RAP1A: variants seen among roughly 807,000 people sequenced by gnomAD.
RAP1A encodes the protein ras-related protein Rap-1A.
Under a neutral mutation model 26.4 loss-of-function variants are expected in RAP1A, and 6 were observed. The observed-to-expected ratio is 0.23, with a 90% CI of 0.12 to 0.45. The LOEUF is 0.45. Among genes scored for constraint, RAP1A ranks in the 20% least tolerant of loss-of-function variants. RAP1A has a pLI of 0.99. For missense variants in RAP1A, 121 were observed against 217.2 expected (o/e 0.56, Z 2.78); for synonymous variants, 73 against 79.4 (o/e 0.92, Z 0.43).
At chr1:111,580,620 G>T (rs919731391) in intron 1 of RAP1A, among the ~76,000 whole-genome samples, 5 of 152,106 alleles carry the variant, frequency 3.3e-5, no homozygotes, top group Admixed American at 6.5e-5. Context: ...AGGCCAAGGC[G>T]GGCGGATCAC....
intron 4 of RAP1A, among the ~76,000 whole-genome samples, chr1:111,703,110 A>G (rs1201405919): frequency 6.6e-6 from 1 of 152,202 alleles, no homozygotes; most frequent in East Asian, 1.9e-4. Context: ...ACAGCTCTAA[A>G]TCACACAAAA....
At chr1:111,601,142 C>T (rs1182975425) in intron 1 of RAP1A, among the ~76,000 whole-genome samples, 4 of 152,314 alleles carry the variant, frequency 2.6e-5, no homozygotes, top group East Asian at 3.9e-4. Context: ...CATGTAAGAA[C>T]GCATTCATTA....
At chr1:111,638,568 G>A (rs932294267) in intron 1 of RAP1A, among the ~76,000 whole-genome samples, 4 of 152,240 alleles carry the variant, frequency 2.6e-5, no homozygotes, top group South Asian at 2.1e-4. Flanking sequence ...GGGACTACAG[G>A]CGCATGCCAA....
intron 1 of RAP1A, among the ~76,000 whole-genome samples, chr1:111,688,808 G>GTTTTTTTTTTTTTTTTTTTTT (rs753016302): frequency 1.6e-5 from 2 of 124,160 alleles, no homozygotes; most frequent in African/African-American, 2.8e-5. Context: ...TTTTGTTTTT[G>GTTTTTTTTTTTTTTTTTTTTT]TTTTTTTTTT....
chr1:111,572,649 C>G (rs1388900958), intron 1 of RAP1A, among the ~76,000 whole-genome samples: 3 of 152,202 alleles, frequency 2.0e-5, no homozygotes, highest in Non-Finnish European at 4.4e-5. Flanking sequence ...TCCACATCCT[C>G]TATCTTTTCG....
intron 1 of RAP1A, among the ~76,000 whole-genome samples, chr1:111,605,529 T>C (rs764826233): frequency 2.9e-4 from 44 of 152,200 alleles, no homozygotes; most frequent in Non-Finnish European, 2.8e-4. Flanking sequence ...AAGCATGGTA[T>C]GGAAGAAGCA....
chr1:111,663,261 C>G (rs1660694409), intron 1 of RAP1A, among the ~76,000 whole-genome samples: 2 of 152,258 alleles, frequency 1.3e-5, no homozygotes, highest in African/African-American at 2.4e-5. Flanking sequence ...TCCCTGGTCT[C>G]CAACATTTCC....
chr1:111,657,644 G>A (rs868764862), intron 1 of RAP1A, among the ~76,000 whole-genome samples: 2 of 152,024 alleles, frequency 1.3e-5, no homozygotes, highest in African/African-American at 2.4e-5. Flanking sequence ...ATATGGTGGG[G>A]CCCAACTCTT....
chr1:111,643,034 T>C (rs1659944056), intron 1 of RAP1A, among the ~76,000 whole-genome samples: 1 of 152,040 alleles, frequency 6.6e-6, no homozygotes, highest in African/African-American at 2.4e-5. Flanking sequence ...CCTCCCAAAG[T>C]GCTGGGATTA....
At chr1:111,563,836 T>C in intron 1 of RAP1A, 1 of 1,609,296 alleles carries the variant, frequency 6.2e-7, no homozygotes, top group Non-Finnish European at 8.5e-7. Flanking sequence ...TATTTTCTGC[T>C]ATGACTCACT....
At chr1:111,709,338 C>T (rs1662302224) in intron 7 of RAP1A, 74 bp downstream of exon 7, 1 of 1,401,086 alleles carries the variant, frequency 7.1e-7, no homozygotes, top group Non-Finnish European at 9.4e-7. Flanking sequence ...TAGCTACTTC[C>T]CATTTCATCT....
At chr1:111,607,353 A>T (rs890219030) in intron 1 of RAP1A, among the ~76,000 whole-genome samples, 18 of 152,100 alleles carry the variant, frequency 1.2e-4, no homozygotes, top group African/African-American at 3.9e-4. Context: ...GTCACAGATC[A>T]ACAGGATAAG....
intron 1 of RAP1A, among the ~76,000 whole-genome samples, chr1:111,613,324 C>T (rs566721795): frequency 1.4e-4 from 21 of 152,120 alleles, no homozygotes; most frequent in Admixed American, 3.9e-4. Flanking sequence ...CTCAGCCTCC[C>T]GAGTAGCTGG....
At chr1:111,648,569 T>A (rs4083915) in intron 1 of RAP1A, 290,499 of 551,106 alleles carry the variant, frequency 0.53, 77,185 homozygotes, top group African/African-American at 0.6. Flanking sequence ...GGATCCCGTT[T>A]AGCTGCTCCA....
intron 1 of RAP1A, among the ~76,000 whole-genome samples, chr1:111,663,463 T>TTAC (rs1232135369): frequency 6.6e-6 from 1 of 152,228 alleles, no homozygotes; most frequent in Non-Finnish European, 1.5e-5. Context: ...AACACTCTAG[T>TTAC]TACATTAATA....
At chr1:111,593,040 A>G (rs1473745001) in intron 1 of RAP1A, among the ~76,000 whole-genome samples, 1 of 151,410 alleles carries the variant, frequency 6.6e-6, no homozygotes, top group Middle Eastern at 3.2e-3. Context: ...TAGAAACAAA[A>G]CGAGCAAGTT....
intron 1 of RAP1A, chr1:111,564,111 T>C (rs1373411666): frequency 1.3e-5 from 7 of 551,830 alleles, no homozygotes; most frequent in Non-Finnish European, 2.3e-5. Context: ...AACTCATGAC[T>C]ATCTTTTTAC....
Position 111,655,258 on chromosome 1 carries a change from C to T in RAP1A, c.-28+35324C>T, listed in dbSNP as rs1330671692. Among the ~76,000 whole-genome samples, 3 of 76,208 alleles carry T rather than the reference C, an allele frequency of 3.9e-5. No homozygotes were observed. The Admixed American group carries it at 4.4e-4, about 11-fold the overall frequency. The allele number at this position is 76,208 out of a possible 152,430, so 50.0% of individuals were successfully genotyped here. A position where few individuals can be genotyped will look rare whatever the true frequency, so the allele number is the denominator to read the frequency against. On this transcript the variant is annotated intron_variant, in intron 1 of 7. Transcript: ENST00000369709. ...TGAAAAAAAAGAAAAAAAAACAATG[C>T]AATAAAACAAAAAAAAAAACAACAG... is the stretch of plus-strand genomic sequence containing the variant.
At chr1:111,614,353 T>C (rs1658979376) in intron 1 of RAP1A, among the ~76,000 whole-genome samples, 2 of 152,372 alleles carry the variant, frequency 1.3e-5, no homozygotes, top group Admixed American at 6.5e-5. Context: ...CTTTGTATCC[T>C]TAGCAGGAAG....
Sources: allele counts gnomAD v4.1 joint callset (sites outside exome capture counted in the v4.1 genomes callset), GRCh38; gene constraint gnomAD v4.1.1; transcripts MANE v1.5; gene names NCBI Gene and HGNC (gene_info 2026-07-23, HGNC 2026-07-21).